Variants in FRMD4B observed in about 807,000 individuals in gnomAD.
FRMD4B encodes the protein FERM domain-containing protein 4B.
FRMD4B carries 74 observed loss-of-function variants against 141.5 expected under a neutral mutation model. The observed-to-expected ratio is 0.52, with a 90% CI of 0.43 to 0.63. The LOEUF (loss-of-function observed/expected upper bound fraction) is 0.63, where lower values mean the gene tolerates loss of function less well. Ranked by LOEUF, FRMD4B falls within the 30% of genes least tolerant of loss-of-function variation. The pLI is 0.00. For missense variants in FRMD4B, 1,366 were observed against 1,253.4 expected, an observed-to-expected ratio of 1.09 and a Z score of -1.36; for synonymous variants, 506 against 467.9, an observed-to-expected ratio of 1.08 and a Z score of -1.05.
At chr3:69,208,157 G>A (rs1320359292) in intron 11 of FRMD4B, among the ~76,000 whole-genome samples, 4 of 151,998 alleles carry the variant, frequency 2.6e-5, no homozygotes, top group Non-Finnish European at 5.9e-5. Flanking sequence ...TCCACCTCCC[G>A]GGTTCAAGCA....
At chr3:69,207,950 G>A (rs1410483343) in intron 11 of FRMD4B, among the ~76,000 whole-genome samples, 1 of 151,978 alleles carries the variant, frequency 6.6e-6, no homozygotes, top group Non-Finnish European at 1.5e-5. Flanking sequence ...CGCCATCTTG[G>A]CTCACTGTAA....
chr3:69,504,171 G>C (rs1706552718), intron 1 of FRMD4B, among the ~76,000 whole-genome samples: 1 of 151,824 alleles, frequency 6.6e-6, no homozygotes, highest in African/African-American at 2.4e-5. Flanking sequence ...TTCTGTGGTG[G>C]GTCTCTTTTT....
At chr3:69,191,553 T>A (rs1377505908) in intron 17 of FRMD4B, among the ~76,000 whole-genome samples, 1 of 7,898 alleles carries the variant, frequency 1.3e-4, no homozygotes, top group Non-Finnish European at 0.013. Flanking sequence ...TAGGCAAATA[T>A]AATCCTCAAT....
In FRMD4B at chr3:69,443,287, C is replaced by T. The variant is rs531345632; in HGVS notation, c.-128-10526G>A. 3.1e-4 allele frequency among the ~76,000 whole-genome samples: 47 copies of T among 152,306 alleles called. No homozygotes were observed. In the South Asian group the frequency reaches 9.5e-3, roughly 31 times the overall value. On this transcript the variant is annotated intron_variant, in intron 1 of 5. Coordinates refer to the FRMD4B transcript ENST00000459638. ...GGTTTGGAGAGCCTCCTGGTGAATG[C>T]ATTCACTTTTTGGGAGAGCGGCACA...
chr3:69,296,778 G>A lies in FRMD4B; in HGVS notation c.416+5565C>T, dbSNP rs149503032. On this transcript the variant is annotated intron_variant, in intron 4 of 22. Transcript: ENST00000398540. ...CTTTAAACAAATGCATGGTTATCTG[G>A]TCACAAACATTTTATCCTTTCTTCC... Among the ~76,000 whole-genome samples, 54 of 152,070 alleles carry A rather than the reference G, an allele frequency of 3.6e-4. No homozygotes were observed. The East Asian group carries it at 8.7e-3, about 25-fold the overall frequency.
intron 4 of FRMD4B, among the ~76,000 whole-genome samples, chr3:69,295,103 A>T (rs547355309): frequency 3.4e-4 from 52 of 152,304 alleles, no homozygotes; most frequent in African/African-American, 1.0e-3. Context: ...AGCTGTTAGC[A>T]CTTGTAATCC....
At chr3:69,363,940 C>G (rs1449681662) in intron 1 of FRMD4B, among the ~76,000 whole-genome samples, 1 of 152,142 alleles carries the variant, frequency 6.6e-6, no homozygotes, top group East Asian at 1.9e-4. Context: ...TCCATTTACT[C>G]CAGGTGCCAC....
chr3:69,287,514 T>G, intron 5 of FRMD4B: 1 of 507,380 alleles, frequency 2.0e-6, no homozygotes. Context: ...GGATTTAAAG[T>G]AGTAGTGATT....
intron 1 of FRMD4B, among the ~76,000 whole-genome samples, chr3:69,487,461 A>G (rs1211235974): frequency 6.6e-6 from 1 of 152,224 alleles, no homozygotes; most frequent in African/African-American, 2.4e-5. Flanking sequence ...AAACTAACCC[A>G]GCCTATCTGG....
At chr3:69,450,374 A>C (rs1413883452) in intron 1 of FRMD4B, among the ~76,000 whole-genome samples, 1 of 152,126 alleles carries the variant, frequency 6.6e-6, no homozygotes, top group Non-Finnish European at 1.5e-5. Flanking sequence ...CTGTAGTTTC[A>C]GCTACTTGGG....
chr3:69,179,328 C>G (rs2092681370), intron 21 of FRMD4B, among the ~76,000 whole-genome samples: 1 of 152,160 alleles, frequency 6.6e-6, no homozygotes, highest in South Asian at 2.1e-4. Context: ...CCGTAGTGAC[C>G]ATCCACATGC....
At chr3:69,265,697 T>C (rs925188438) in intron 5 of FRMD4B, among the ~76,000 whole-genome samples, 2 of 151,952 alleles carry the variant, frequency 1.3e-5, no homozygotes, top group Non-Finnish European at 2.9e-5. Context: ...TCCACCCACC[T>C]TGGCCTCCTA....
At chr3:69,490,403 A>G (rs545528831) in intron 1 of FRMD4B, among the ~76,000 whole-genome samples, 1 of 152,180 alleles carries the variant, frequency 6.6e-6, no homozygotes, top group African/African-American at 2.4e-5. Context: ...TCTACCACAA[A>G]CTTGCTTCTC....
chr3:69,266,192 A>G (rs2093561000), intron 5 of FRMD4B, among the ~76,000 whole-genome samples: 1 of 151,594 alleles, frequency 6.6e-6, no homozygotes, highest in Admixed American at 6.6e-5. Context: ...ACAGAGTGAG[A>G]CCTTGTCTCA....
chr3:69,450,250 T>C (rs1204094021), intron 1 of FRMD4B, among the ~76,000 whole-genome samples: 1 of 152,224 alleles, frequency 6.6e-6, no homozygotes, highest in Non-Finnish European at 1.5e-5. Context: ...AGGCCAAATG[T>C]CGTGGCTCTT....
At position 69,224,832 on chromosome 3, in the gene FRMD4B, G is replaced by A. The variant is rs151236561; in HGVS notation, c.582-142C>T. ...TACACATGGTTATGGACTCTAACTA[G>A]AAGCAGCCCCCAAATTTAACAACTG... On this transcript the variant is annotated intron_variant, in intron 7 of 22. Coordinates refer to ENST00000398540, the MANE Select transcript of FRMD4B (RefSeq NM_015123.3). The A allele has an allele frequency of 1.8e-4, 104 of 583,280 alleles. No individual in the cohort carries two copies. The East Asian group carries it at 2.8e-3, about 16-fold the overall frequency. 36.1% of individuals were successfully genotyped at this position (583,280 alleles called of 1,614,324 possible).
Position 69,175,823 on chromosome 3 carries a change from C to T in FRMD4B, c.2984+701G>A, listed in dbSNP as rs1347383076. Among the ~76,000 whole-genome samples the T allele has an allele frequency of 5.5e-5, 8 of 145,414 alleles. No individual in the cohort carries two copies. The South Asian group carries it at 1.5e-3, about 28-fold the overall frequency. On this transcript the variant is annotated intron_variant, in intron 22 of 22. Transcript: ENST00000398540. Reference sequence around the variant, plus strand: ...GGAGATGGAGTCTCGCTCTGTCGCCCAGGCTGGAGTGCAGTGGCGCGATCT... The same window carrying T: ...GGAGATGGAGTCTCGCTCTGTCGCCTAGGCTGGAGTGCAGTGGCGCGATCT...
intron 1 of FRMD4B, among the ~76,000 whole-genome samples, chr3:69,479,300 C>A (rs1706071849): frequency 6.6e-6 from 1 of 151,492 alleles, no homozygotes; most frequent in South Asian, 2.1e-4. Flanking sequence ...TCTTCCTAGC[C>A]TCGATGGTCT....
At chr3:69,473,397 T>A (rs1268214940) in intron 1 of FRMD4B, among the ~76,000 whole-genome samples, 1 of 152,162 alleles carries the variant, frequency 6.6e-6, no homozygotes, top group Non-Finnish European at 1.5e-5. Flanking sequence ...CGATTTCCAG[T>A]CTAAACTGCA....
Sources: allele counts gnomAD v4.1 joint callset (sites outside exome capture counted in the v4.1 genomes callset), GRCh38; gene constraint gnomAD v4.1.1; transcripts MANE v1.5; gene names NCBI Gene and HGNC (gene_info 2026-07-23, HGNC 2026-07-21).